Variants in SIPA1L2 observed in about 807,000 individuals in gnomAD.
SIPA1L2 encodes the protein signal induced proliferation associated 1 like 2.
A neutral mutation model predicts 163.9 loss-of-function variants in SIPA1L2; 56 were observed. The observed-to-expected ratio is 0.34, with a 90% CI of 0.28 to 0.43. The LOEUF (loss-of-function observed/expected upper bound fraction) is 0.43, where lower values mean the gene tolerates loss of function less well. Ranked by LOEUF, SIPA1L2 falls within the 20% of genes least tolerant of loss-of-function variation. The probability of loss-of-function intolerance (pLI) is 1.00; values close to 1 mark genes in which losing one functional copy is unlikely to be tolerated. For synonymous variants in SIPA1L2, 877 were observed against 865.7 expected (o/e 1.01, Z -0.23); for missense variants, 1,974 against 2,193.5 (o/e 0.90, Z 2.00).
At chr1:232,477,380 T>C (rs1337871898) in intron 7 of SIPA1L2, among the ~76,000 whole-genome samples, 1 of 152,230 alleles carries the variant, frequency 6.6e-6, no homozygotes, top group Non-Finnish European at 1.5e-5. Flanking sequence ...GTGCTTTACA[T>C]GCATTAATTT....
intron 1 of SIPA1L2, among the ~76,000 whole-genome samples, chr1:232,593,041 T>C (rs1451318656): frequency 1.3e-5 from 2 of 152,096 alleles, no homozygotes; most frequent in Admixed American, 6.6e-5. Flanking sequence ...CACACCCAAG[T>C]AAATCCAAAT....
intron 3 of SIPA1L2, among the ~76,000 whole-genome samples, chr1:232,494,816 G>A (rs527550419): frequency 6.6e-6 from 1 of 152,310 alleles, no homozygotes; most frequent in Non-Finnish European, 1.5e-5. Flanking sequence ...CATGTGAGCA[G>A]GTGGTAAACG....
chr1:232,487,134 C>T (rs533717462), intron 5 of SIPA1L2, among the ~76,000 whole-genome samples: 1 of 152,256 alleles, frequency 6.6e-6, no homozygotes, highest in Non-Finnish European at 1.5e-5. Flanking sequence ...GCTGGACACA[C>T]ATACATACTG....
intron 1 of SIPA1L2, among the ~76,000 whole-genome samples, chr1:232,618,353 G>A (rs1340721168): frequency 6.6e-6 from 1 of 152,004 alleles, no homozygotes; most frequent in Non-Finnish European, 1.5e-5. Context: ...TCCTAATGTC[G>A]CCTCAGTTTA....
chr1:232,577,118 G>A (rs772673981), intron 1 of SIPA1L2, among the ~76,000 whole-genome samples: 1 of 152,166 alleles, frequency 6.6e-6, no homozygotes, highest in Non-Finnish European at 1.5e-5. Flanking sequence ...AGCAGTTAAT[G>A]CAGCTGGTGA....
intron 19 of SIPA1L2, among the ~76,000 whole-genome samples, chr1:232,405,011 T>A (rs1441889223): frequency 6.6e-6 from 1 of 152,224 alleles, no homozygotes; most frequent in Non-Finnish European, 1.5e-5. Flanking sequence ...ACTCTTAATT[T>A]ACCCCACTCT....
At position 232,563,955 on chromosome 1, in the gene SIPA1L2, T is replaced by TTTGTGTG. The variant is rs1558270699; in HGVS notation, c.-270+10218_-270+10219insCACACAA. 6.2e-3 allele frequency among the ~76,000 whole-genome samples: 724 copies of TTTGTGTG among 116,740 alleles called. 23 individuals are homozygous for TTTGTGTG. The highest frequency in any genetic ancestry group is 0.027 in the African/African-American group (676 of 25,144). 76.6% of individuals were successfully genotyped at this position (116,740 alleles called of 152,430 possible). ...AACGACAAAGGTTTGTTTTTTTTTT[T>TTTGTGTG]CGTGTGTGTGTGTGTGTGTGTGTGT... On this transcript the variant is annotated intron_variant, in intron 2 of 22. Transcript: ENST00000674635.
intron 3 of SIPA1L2, among the ~76,000 whole-genome samples, chr1:232,494,973 TTGAAGGAAACC>T (rs1224699114): frequency 6.6e-6 from 1 of 152,148 alleles, no homozygotes; most frequent in Non-Finnish European, 1.5e-5. Context: ...ATCTGCAAAC[TTGAAGGAAACC>T]TATAGGTATT....
chr1:232,479,502 G>T, intron 7 of SIPA1L2, 125 bp downstream of exon 7: 3 of 744,300 alleles, frequency 4.0e-6, no homozygotes, highest in Non-Finnish European at 4.7e-6. Flanking sequence ...AGTCAAAGAT[G>T]ATTAATGCTA....
At chr1:232,547,586 G>T (rs1303849087) in intron 2 of SIPA1L2, among the ~76,000 whole-genome samples, 2 of 131,004 alleles carry the variant, frequency 1.5e-5, no homozygotes, top group African/African-American at 5.8e-5. Context: ...CTGGGTGGGG[G>T]CTGGGGGGGG....
At chr1:232,488,103 C>T (rs1665741087) in intron 5 of SIPA1L2, among the ~76,000 whole-genome samples, 1 of 152,018 alleles carries the variant, frequency 6.6e-6, no homozygotes. Flanking sequence ...CAGGTGCCCA[C>T]CATCACACCT....
intron 18 of SIPA1L2, among the ~76,000 whole-genome samples, chr1:232,420,016 T>C (rs1198311884): frequency 6.6e-6 from 1 of 151,960 alleles, no homozygotes; most frequent in Non-Finnish European, 1.5e-5. Context: ...TGAGAGGGGT[T>C]TGGAGTAGGA....
chr1:232,441,795 C>A lies in SIPA1L2; in HGVS notation c.3511G>T (p.Asp1171Tyr), dbSNP rs771428230. 1 of 1,613,964 alleles carries A rather than the reference C, an allele frequency of 6.2e-7. No homozygotes were observed. The highest frequency in any genetic ancestry group is 1.3e-5 in the African/African-American group (1 of 75,030). The change falls in exon 13 of 23, where the codon GAC (aspartate) becomes TAC (tyrosine). Residue 1171 changes from aspartate to tyrosine, a missense_variant. Transcript: ENST00000674635. ...LECDGARERE[D>Y]TMEASRHPET... ...GGGTGCCTGCTTGCTTCCATGGTGT[C>A]TTCCCTCTCCCTGGCTCCGTCACAT...
Position 232,465,252 on chromosome 1 carries a change from C to T in SIPA1L2, c.2408G>A (p.Arg803Gln). The change falls in exon 9 of 23, where the codon CGA (arginine) becomes CAA (glutamine). Residue 803 changes from arginine (R) to glutamine (Q), a missense_variant. Physicochemically the swap from Arg to Gln is conservative, Grantham distance 43. Coordinates refer to ENST00000674635, the MANE Select transcript of SIPA1L2 (RefSeq NM_020808.5). The surrounding 1 kb of genome is among the most constrained non-coding windows in gnomAD (Gnocchi z 4.1). ...KSEKFRAMAT[R>Q]TRQEYLKDLA... is the part of the protein sequence containing the mutation. ...ATCTTTCAAGTACTCCTGCCTCGTT[C>T]GAGTGGCCATTGCTCGAAACTTTTC... 2 of 1,614,172 alleles carry T rather than the reference C, an allele frequency of 1.2e-6. No individual in the cohort carries two copies. The highest frequency in any genetic ancestry group is 1.1e-5 in the South Asian group (1 of 91,080).
chr1:232,469,109 G>A (rs1212905992), intron 8 of SIPA1L2, among the ~76,000 whole-genome samples: 1 of 152,190 alleles, frequency 6.6e-6, no homozygotes, highest in Non-Finnish European at 1.5e-5. Context: ...TAGAGAAGGT[G>A]ATCTCAACCG....
intron 2 of SIPA1L2, among the ~76,000 whole-genome samples, chr1:232,527,701 C>T (rs1334242522): frequency 6.7e-6 from 1 of 149,872 alleles, no homozygotes; most frequent in Non-Finnish European, 1.5e-5. Flanking sequence ...ACACCAAAAA[C>T]CCCATTTAAT....
At chr1:232,404,720 G>A (rs1292095953) in intron 19 of SIPA1L2, among the ~76,000 whole-genome samples, 1 of 152,190 alleles carries the variant, frequency 6.6e-6, no homozygotes, top group African/African-American at 2.4e-5. Flanking sequence ...CCCAGCTCTG[G>A]GGGCTGAGCA....
In SIPA1L2 at chr1:232,415,553, G is replaced by C; in HGVS notation, c.4703C>G (p.Pro1568Arg). ...CCAATCTAACCCTGTGGCTGTGTCC[G>C]GGAGGGGCATCAGGCCAGGATCTGC... ...KCADPGLMPL[P>R]DTATGLDWTH... Residue 1568 changes from proline (P) to arginine (R), a missense_variant, in exon 19 of 23, where the codon CCG (proline) becomes CGG (arginine). Pro to Arg is a moderately radical substitution (Grantham distance 103). Transcript: ENST00000674635. 2 of 1,613,828 alleles carry C rather than the reference G, an allele frequency of 1.2e-6. No homozygotes were observed. The highest frequency in any genetic ancestry group is 1.7e-6 in the Non-Finnish European group (2 of 1,179,864).
intron 2 of SIPA1L2, among the ~76,000 whole-genome samples, chr1:232,564,268 GTGTGTGTGTGTGTA>G (rs1286720447): frequency 2.0e-5 from 2 of 100,074 alleles, no homozygotes; most frequent in African/African-American, 4.4e-5. Flanking sequence ...GTGTGTGTGT[GTGTGTGTGTGTGTA>G]TGATGGAGTT....
Sources: gnomAD v4.1 joint callset for allele counts (sites outside exome capture counted in the v4.1 genomes callset) on GRCh38, gnomAD v4.1.1 for gene constraint, Gnocchi (gnomAD v3.1) non-coding constraint, MANE v1.5 for transcripts, NCBI Gene and HGNC (gene_info 2026-07-23, HGNC 2026-07-21) for gene names.